The following CHMP3 variants were observed in gnomAD, a reference collection of about 807,000 sequenced individuals.
CHMP3 encodes the protein 25.1 protein.
CHMP3 carries 8 observed loss-of-function variants against 27.4 expected under a neutral mutation model. The ratio of observed to expected loss-of-function variants is 0.29; its 90% CI spans 0.17 to 0.53. The LOEUF (loss-of-function observed/expected upper bound fraction) is 0.53, where lower values mean the gene tolerates loss of function less well. Among genes scored for constraint, CHMP3 ranks in the 20% least tolerant of loss-of-function variants. The pLI is 0.96. For missense variants in CHMP3, 208 were observed against 271.5 expected (o/e 0.77, Z 1.64); for synonymous variants, 86 against 85.5 (o/e 1.01, Z -0.03).
chr2:86,559,296 C>CCCCA (rs1677254094), intron 1 of CHMP3, among the ~76,000 whole-genome samples: 1 of 152,214 alleles, frequency 6.6e-6, no homozygotes, highest in South Asian at 2.1e-4. Context: ...ATCAGTGCTA[C>CCCCA]CCCAACTCAC....
At chr2:86,528,685 T>C (rs1218061374) in intron 3 of CHMP3, among the ~76,000 whole-genome samples, 1 of 152,230 alleles carries the variant, frequency 6.6e-6, no homozygotes, top group Non-Finnish European at 1.5e-5. Flanking sequence ...CAATGTTTAT[T>C]CCTATTTTAA....
At chr2:86,521,013 C>T (rs934007157) in intron 3 of CHMP3, among the ~76,000 whole-genome samples, 5 of 152,162 alleles carry the variant, frequency 3.3e-5, no homozygotes, top group African/African-American at 7.2e-5. Flanking sequence ...TTGTAATCTC[C>T]GCCACCCTTA....
intron 3 of CHMP3, among the ~76,000 whole-genome samples, chr2:86,522,967 T>A (rs1000490757): frequency 6.6e-6 from 1 of 152,212 alleles, no homozygotes; most frequent in African/African-American, 2.4e-5. Context: ...TTTGTATACC[T>A]AATCCCTCTA....
chr2:86,558,759 A>T (rs2104061072), intron 1 of CHMP3, among the ~76,000 whole-genome samples: 1 of 152,032 alleles, frequency 6.6e-6, no homozygotes, highest in African/African-American at 2.4e-5. Context: ...AGACTACAGC[A>T]TTTAGTCAAT....
At chr2:86,517,565 C>CAAA (rs70956116) in intron 3 of CHMP3, among the ~76,000 whole-genome samples, 43 of 89,960 alleles carry the variant, frequency 4.8e-4, no homozygotes, top group South Asian at 7.3e-4. Context: ...GACTCCGTCT[C>CAAA]AAAAAAAAAA....
chr2:86,521,267 T>G (rs2103918905), intron 3 of CHMP3, among the ~76,000 whole-genome samples: 1 of 152,314 alleles, frequency 6.6e-6, no homozygotes, highest in South Asian at 2.1e-4. Context: ...GCCTGTTTGG[T>G]GGTCTCTTCA....
At chr2:86,556,932 T>C (rs1677146623) in intron 1 of CHMP3, among the ~76,000 whole-genome samples, 2 of 152,200 alleles carry the variant, frequency 1.3e-5, no homozygotes, top group South Asian at 4.1e-4. Context: ...ATGAAACAAG[T>C]ACCTGACGAG....
intron 3 of CHMP3, among the ~76,000 whole-genome samples, chr2:86,514,600 G>A (rs893438778): frequency 2.0e-5 from 3 of 152,150 alleles, no homozygotes; most frequent in African/African-American, 7.2e-5. Flanking sequence ...TCAGGGTAGT[G>A]ACTGCGTCCC....
chr2:86,563,166 CT>C, intron 1 of CHMP3, 137 bp downstream of exon 1: 1 of 1,021,588 alleles, frequency 9.8e-7, no homozygotes, highest in Middle Eastern at 2.2e-4. Flanking sequence ...TCCGGCCCCC[CT>C]GTCGAGTGGG....
intron 3 of CHMP3, among the ~76,000 whole-genome samples, chr2:86,528,904 C>G (rs1675811926): frequency 6.6e-6 from 1 of 152,120 alleles, no homozygotes; most frequent in Admixed American, 6.5e-5. Context: ...AAGCTCTTTT[C>G]TTCATCCTCC....
At chr2:86,518,829 T>C (rs1675414270) in intron 3 of CHMP3, among the ~76,000 whole-genome samples, 1 of 152,212 alleles carries the variant, frequency 6.6e-6, no homozygotes, top group African/African-American at 2.4e-5. Flanking sequence ...GCAACTGAGA[T>C]AAAGTTTAGC....
intron 1 of CHMP3, among the ~76,000 whole-genome samples, chr2:86,561,441 T>C (rs1473204410): frequency 6.6e-6 from 1 of 152,174 alleles, no homozygotes; most frequent in Admixed American, 6.5e-5. Context: ...ACCAGCAGCA[T>C]CAACATCACC....
intron 2 of CHMP3, among the ~76,000 whole-genome samples, chr2:86,540,206 T>C (rs1459074730): frequency 6.6e-6 from 1 of 152,054 alleles, no homozygotes; most frequent in Non-Finnish European, 1.5e-5. Flanking sequence ...TGGAGATGAG[T>C]TCCTTGGATC....
At position 86,504,954 on chromosome 2, in the gene CHMP3, G is replaced by A. The variant is rs1328578461; in HGVS notation, c.*850C>T. ...TGTATCTTAAGAATGTCCCAGATGA[G>A]TGAATGTTGGTTATGATGCATGACC... On this transcript the variant is annotated 3_prime_UTR_variant, in exon 6 of 6. Coordinates refer to ENST00000263856, the MANE Select transcript of CHMP3 (RefSeq NM_016079.4). 6.6e-6 allele frequency: 1 copy of A among 152,198 alleles called. No individual in the cohort carries two copies. The highest frequency in any genetic ancestry group is 2.4e-5 in the African/African-American group (1 of 41,424). The allele number at this position is 152,198 out of a possible 1,614,324, so 9.4% of individuals were successfully genotyped here. A position where few individuals can be genotyped will look rare whatever the true frequency, so the allele number is the denominator to read the frequency against.
chr2:86,550,400 G>T (rs1487304286), intron 1 of CHMP3, among the ~76,000 whole-genome samples: 1 of 144,116 alleles, frequency 6.9e-6, no homozygotes, highest in South Asian at 2.1e-4. Context: ...GAGGGAGAGA[G>T]GGGGAGAGGG....
At chr2:86,547,792 G>A (rs77620980) in intron 1 of CHMP3, among the ~76,000 whole-genome samples, 2,796 of 152,180 alleles carry the variant, frequency 0.018, 95 homozygotes, top group African/African-American at 0.064. Flanking sequence ...AGTAAATGAG[G>A]CCCTTATAAT....
rs367837051 is a variant in CHMP3, at chr2:86,507,539, C to T, written c.463G>A (p.Glu155Lys). The T allele has an allele frequency of 3.7e-5, 59 of 1,614,080 alleles. No homozygotes were observed. The highest frequency in any genetic ancestry group is 8.3e-5 in the Admixed American group (5 of 60,012). Residue 155 changes from glutamate to lysine, a missense_variant, in exon 5 of 6, where the codon GAA (glutamate) becomes AAA (lysine). Coordinates refer to ENST00000263856, the MANE Select transcript of CHMP3 (RefSeq NM_016079.4). ...EDTFESMDDQ[E>K]EMEEEAEMEI... Reference sequence around the variant, plus strand: ...ATTTCTGCTTCTTCCTCCATTTCTTCCTGATCGTCCATGCTTTCAAAAGTG... The same window carrying T: ...ATTTCTGCTTCTTCCTCCATTTCTTTCTGATCGTCCATGCTTTCAAAAGTG...
intron 2 of CHMP3, among the ~76,000 whole-genome samples, chr2:86,531,697 T>C (rs1433321224): frequency 6.6e-6 from 1 of 152,246 alleles, no homozygotes; most frequent in Non-Finnish European, 1.5e-5. Context: ...TATCCAGTTT[T>C]CCCAGCACCA....
At chr2:86,508,051 C>T (rs1674954612) in intron 4 of CHMP3, among the ~76,000 whole-genome samples, 1 of 152,052 alleles carries the variant, frequency 6.6e-6, no homozygotes, top group Non-Finnish European at 1.5e-5. Context: ...AGGGTAAAAG[C>T]CAAAAAAGGC....
Sources: allele counts gnomAD v4.1 joint callset (sites outside exome capture counted in the v4.1 genomes callset), GRCh38; gene constraint gnomAD v4.1.1; transcripts MANE v1.5; gene names NCBI Gene and HGNC (gene_info 2026-07-23, HGNC 2026-07-21).